The following SIN3B variants were observed in gnomAD, a reference collection of about 807,000 sequenced individuals.
The protein encoded by SIN3B is SIN3 transcription regulator family member B, also known as paired amphipathic helix protein Sin3b.
In SIN3B, 19 loss-of-function variants were observed where a neutral mutation model predicts 120.2. The observed-to-expected ratio is 0.16, with a 90% CI of 0.11 to 0.23. SIN3B has a LOEUF of 0.23. Ranked by LOEUF, SIN3B falls within the 10% of genes least tolerant of loss-of-function variation. The pLI is 1.00. For missense variants in SIN3B, 1,073 were observed against 1,573.0 expected, an observed-to-expected ratio of 0.68 and a Z score of 5.38; for synonymous variants, 654 against 653.2, an observed-to-expected ratio of 1.00 and a Z score of -0.02.
chr19:16,860,596 CTTTTTTT>C (rs34628511), intron 8 of SIN3B, among the ~76,000 whole-genome samples: 15 of 131,806 alleles, frequency 1.1e-4, no homozygotes, highest in East Asian at 4.4e-4. Context: ...GTAACTGCAA[CTTTTTTT>C]TTTTTTTTTT....
rs200428424 is a variant in SIN3B at position 16,851,474 on chromosome 19, G to C, written c.789G>C (p.Pro263=). 6.2e-7 allele frequency: 1 copy of C among 1,610,154 alleles called. No individual in the cohort carries two copies. The highest frequency in any genetic ancestry group is 1.3e-5 in the African/African-American group (1 of 74,900). ...AGAAGAACGAGCACGACAAGACCCC[G>C]GAGCACAGCAGGAAGCGCTCCCGGC... is the stretch of plus-strand genomic sequence containing the variant. ...SVQKNEHDKT[P]EHSRKRSRPS... The change falls in exon 6 of 19, where the codon CCG becomes CCC. Residue 263 remains proline (P), a synonymous_variant. Coordinates refer to ENST00000248054, the MANE Select transcript of SIN3B (RefSeq NM_001297595.2).
At chr19:16,861,688 G>A (rs1385500201) in intron 8 of SIN3B, among the ~76,000 whole-genome samples, 6 of 151,826 alleles carry the variant, frequency 4.0e-5, no homozygotes, top group Non-Finnish European at 5.9e-5. Flanking sequence ...GCTTGAACCC[G>A]GGAGGTGGAG....
intron 4 of SIN3B, among the ~76,000 whole-genome samples, chr19:16,845,071 T>C (rs1971463177): frequency 6.6e-6 from 1 of 152,202 alleles, no homozygotes; most frequent in Non-Finnish European, 1.5e-5. Flanking sequence ...ATTCACCTCA[T>C]GCTCAAATTA....
chr19:16,839,545 G>A (rs765549252), intron 3 of SIN3B, among the ~76,000 whole-genome samples: 4 of 152,072 alleles, frequency 2.6e-5, no homozygotes, highest in Non-Finnish European at 4.4e-5. Flanking sequence ...TGGGGGGCTC[G>A]CAGTGAGCCT....
intron 4 of SIN3B, among the ~76,000 whole-genome samples, chr19:16,844,516 C>G (rs1411956949): frequency 6.6e-6 from 1 of 152,208 alleles, no homozygotes; most frequent in Non-Finnish European, 1.5e-5. Context: ...ACCCATTACA[C>G]AGCCACGTAT....
At chr19:16,875,902 G>A in intron 14 of SIN3B, 153 bp from the exon 15 acceptor site, 2 of 924,872 alleles carry the variant, frequency 2.2e-6, no homozygotes, top group Non-Finnish European at 1.6e-6. Flanking sequence ...GGTCTGGTCT[G>A]CCCACAGCCT....
intron 8 of SIN3B, chr19:16,854,679 C>T (rs1193841457): frequency 3.1e-5 from 5 of 163,760 alleles, no homozygotes; most frequent in East Asian, 1.9e-4. Context: ...GGTGAGTCTC[C>T]GTGGTCCCAG....
At chr19:16,869,012 G>T (rs907946331) in intron 12 of SIN3B, among the ~76,000 whole-genome samples, 3 of 152,150 alleles carry the variant, frequency 2.0e-5, no homozygotes, top group Non-Finnish European at 4.4e-5. Flanking sequence ...CATGGTGTGG[G>T]CAGCCCCGGT....
rs111212015 is a variant in SIN3B at position 16,874,612 on chromosome 19, G to A, written c.2593-1443G>A. 4.4e-3 allele frequency among the ~76,000 whole-genome samples: 669 copies of A among 151,108 alleles called. 2 individuals are homozygous for A. Among genetic ancestry groups the A allele is most frequent in the African/African-American group, 0.015 (604 of 41,042 alleles). On this transcript the variant is annotated intron_variant, in intron 14 of 18. Coordinates refer to ENST00000248054, the MANE Select transcript of SIN3B (RefSeq NM_001297595.2). ...TTTGGTGTGGTTTTGGTTTGGTCTG[G>A]TCTGGTCTGGTTTTGGTCTGGTCTG...
intron 3 of SIN3B, among the ~76,000 whole-genome samples, chr19:16,840,974 A>G (rs1568413744): frequency 6.6e-6 from 1 of 152,156 alleles, no homozygotes; most frequent in Non-Finnish European, 1.5e-5. Context: ...GGCTTATCCA[A>G]GCAAAAACCT....
chr19:16,830,533 C>T (rs1971265746), intron 2 of SIN3B, among the ~76,000 whole-genome samples: 1 of 152,154 alleles, frequency 6.6e-6, no homozygotes, highest in Admixed American at 6.5e-5. Flanking sequence ...GGGTAAGGGA[C>T]CCACCTAAGT....
chr19:16,876,611 A>C lies in SIN3B; in HGVS notation c.2859+33A>C. On this transcript the variant is annotated intron_variant, in intron 16 of 18. Coordinates refer to ENST00000248054, the MANE Select transcript of SIN3B (RefSeq NM_001297595.2). The surrounding 1 kb of genome is among the most constrained non-coding windows in gnomAD (Gnocchi z 7.1). ...CCTGGCCCCAGTCTGTGCCACGCAT[A>C]CCAGGGAGCGCCTGAGGGCAGCAGC... The C allele has an allele frequency of 1.3e-6, 2 of 1,562,110 alleles. No individual in the cohort carries two copies. Among genetic ancestry groups the C allele is most frequent in the Non-Finnish European group, 1.8e-6 (2 of 1,136,972 alleles).
rs771478777 is a variant in SIN3B, at chr19:16,877,659, A to G, written c.2954+20A>G. The G allele has an allele frequency of 6.5e-7, 1 of 1,545,690 alleles. No homozygotes were observed. The highest frequency in any genetic ancestry group is 1.2e-5 in the South Asian group (1 of 86,754). On this transcript the variant is annotated intron_variant, in intron 17 of 18. Transcript: ENST00000248054. ...GCAGAGGTAAGAGGCCCTGAGATGC[A>G]TGCTCTGTTCCTTCCTTCCTGGGCC...
intron 5 of SIN3B, 53 bp downstream of exon 5, chr19:16,847,166 G>A: frequency 6.4e-7 from 1 of 1,567,612 alleles, no homozygotes; most frequent in South Asian, 1.2e-5. Context: ...AGGACGGAGG[G>A]CCCCAGCCAG....
rs577871101 is a variant in SIN3B, at chr19:16,878,823, G to A, written c.*96G>A. The A allele has an allele frequency of 1.9e-6, 2 of 1,068,440 alleles. No homozygotes were observed. Among genetic ancestry groups the A allele is most frequent in the Non-Finnish European group, 2.7e-6 (2 of 746,294 alleles). The allele number at this position is 1,068,440 out of a possible 1,614,324, so 66.2% of individuals were successfully genotyped here. A position where few individuals can be genotyped will look rare whatever the true frequency, so the allele number is the denominator to read the frequency against. ...GCCGTTTTCTTGAACGACGTGAGAG[G>A]CATCTCCCAGCCCCTCTGCTGCCGG... On this transcript the variant is annotated 3_prime_UTR_variant, in exon 19 of 19. Coordinates refer to ENST00000248054, the MANE Select transcript of SIN3B (RefSeq NM_001297595.2).
At chr19:16,867,578 G>A (rs898224096) in intron 12 of SIN3B, among the ~76,000 whole-genome samples, 3 of 152,206 alleles carry the variant, frequency 2.0e-5, no homozygotes, top group African/African-American at 7.2e-5. Flanking sequence ...CCCAGGCAGT[G>A]CCCAGATCAT....
intron 3 of SIN3B, among the ~76,000 whole-genome samples, chr19:16,836,494 C>G (rs1971350582): frequency 6.6e-6 from 1 of 152,142 alleles, no homozygotes; most frequent in Non-Finnish European, 1.5e-5. Context: ...TTACACCACC[C>G]TGGGTTATGT....
At chr19:16,837,586 C>CA (rs1162554307) in intron 3 of SIN3B, among the ~76,000 whole-genome samples, 2 of 151,522 alleles carry the variant, frequency 1.3e-5, no homozygotes, top group Non-Finnish European at 2.9e-5. Context: ...ACTGAGTAGA[C>CA]AGTGATGAGG....
chr19:16,873,036 C>T (rs1307096175), intron 14 of SIN3B, among the ~76,000 whole-genome samples: 1 of 152,060 alleles, frequency 6.6e-6, no homozygotes, highest in African/African-American at 2.4e-5. Context: ...CTTTCCGTTT[C>T]CTGGGTCACT....
Sources: gnomAD v4.1 joint callset for allele counts (sites outside exome capture counted in the v4.1 genomes callset) on GRCh38, gnomAD v4.1.1 for gene constraint, Gnocchi (gnomAD v3.1) non-coding constraint, MANE v1.5 for transcripts, NCBI Gene and HGNC (gene_info 2026-07-23, HGNC 2026-07-21) for gene names.